GLIS3: variants seen among roughly 807,000 people sequenced by gnomAD.
GLIS3 encodes the protein zinc finger protein GLIS3.
GLIS3 carries 53 observed loss-of-function variants against 78.6 expected under a neutral mutation model. That is an observed-to-expected ratio of 0.67 (90% CI 0.54 to 0.85). The LOEUF is 0.85. Ranked by LOEUF, GLIS3 falls within the 40% of genes least tolerant of loss-of-function variation. The probability of loss-of-function intolerance (pLI) is 0.00; values close to 1 mark genes in which losing one functional copy is unlikely to be tolerated. For synonymous variants in GLIS3, 684 were observed against 509.9 expected (o/e 1.34, Z -4.60); for missense variants, 1,703 against 1,231.1 (o/e 1.38, Z -5.74).
intron 2 of GLIS3, among the ~76,000 whole-genome samples, chr9:4,268,527 T>C (rs1171853447): frequency 1.3e-5 from 2 of 152,162 alleles, no homozygotes; most frequent in Non-Finnish European, 2.9e-5. Context: ...AATTCAATAA[T>C]ATGGTTTAGT....
At chr9:4,092,436 T>C (rs948672119) in intron 4 of GLIS3, among the ~76,000 whole-genome samples, 8 of 152,220 alleles carry the variant, frequency 5.3e-5, no homozygotes, top group Non-Finnish European at 1.5e-5. Flanking sequence ...TTTGTTTGAT[T>C]CTTCTGTAAA....
chr9:3,845,060 G>C (rs1029906468), intron 9 of GLIS3, among the ~76,000 whole-genome samples: 2 of 121,274 alleles, frequency 1.6e-5, no homozygotes, highest in African/African-American at 5.7e-5. Context: ...ACTGTGCAAA[G>C]ATATATATAT....
At position 4,240,986 on chromosome 9, in the gene GLIS3, T is replaced by A. The variant is rs1385230990; in HGVS notation, c.388+45052A>T. Among the ~76,000 whole-genome samples, 11 of 152,148 alleles carry A rather than the reference T, an allele frequency of 7.2e-5. No individual in the cohort carries two copies. The East Asian group carries it at 2.1e-3, about 29-fold the overall frequency. ...GTGTGTGTGTGTACGTGTGTACATA[T>A]TTTAAACTAATTTTCTATTGAAATG... On this transcript the variant is annotated intron_variant, in intron 2 of 10. Coordinates refer to ENST00000381971, the MANE Select transcript of GLIS3 (RefSeq NM_001042413.2).
At chr9:4,381,596 T>A in the GLIS3 span, among the ~76,000 whole-genome samples, 1 of 152,112 alleles carries the variant, frequency 6.6e-6, no homozygotes, top group African/African-American at 2.4e-5. Context: ...AATATCTGCA[T>A]GCATGAACCT....
intron 4 of GLIS3, among the ~76,000 whole-genome samples, chr9:4,116,625 A>C (rs1366796397): frequency 6.6e-6 from 1 of 152,222 alleles, no homozygotes; most frequent in Non-Finnish European, 1.5e-5. Context: ...AACCTTGGCC[A>C]ATCTATAATC....
At chr9:3,846,631 A>C (rs1364582568) in intron 9 of GLIS3, among the ~76,000 whole-genome samples, 1 of 152,102 alleles carries the variant, frequency 6.6e-6, no homozygotes, top group Admixed American at 6.5e-5. Flanking sequence ...CCAAACTGAA[A>C]ATGTTTTCTT....
intron 4 of GLIS3, among the ~76,000 whole-genome samples, chr9:4,101,140 G>A (rs1830341259): frequency 6.6e-6 from 1 of 152,198 alleles, no homozygotes; most frequent in East Asian, 1.9e-4. Context: ...ACTTACTGGT[G>A]TATGACCTTA....
At chr9:3,919,056 G>C (rs1378340547) in intron 6 of GLIS3, among the ~76,000 whole-genome samples, 1 of 152,198 alleles carries the variant, frequency 6.6e-6, no homozygotes, top group African/African-American at 2.4e-5. Context: ...GTGGGTCTCA[G>C]TGTAGGATCA....
chr9:4,097,285 T>C (rs779650430), intron 4 of GLIS3, among the ~76,000 whole-genome samples: 5 of 151,530 alleles, frequency 3.3e-5, no homozygotes, highest in Non-Finnish European at 7.4e-5. Context: ...GGATTCAAAG[T>C]AAAAAAAAGT....
intron 2 of GLIS3, among the ~76,000 whole-genome samples, chr9:4,250,672 C>G (rs1312006289): frequency 6.6e-6 from 1 of 152,104 alleles, no homozygotes; most frequent in African/African-American, 2.4e-5. Flanking sequence ...TTTGTTTGCT[C>G]TTGCTTCTCT....
Position 3,935,700 on chromosome 9 carries a change from A to T in GLIS3, c.1872+1328T>A, listed in dbSNP as rs550806636. Reference sequence around the variant, plus strand: ...AAGACCATTTTAGGCACAACAAAATAGGGCATTTTAACACAATTTATTCTT... The same window carrying T: ...AAGACCATTTTAGGCACAACAAAATTGGGCATTTTAACACAATTTATTCTT... On this transcript the variant is annotated intron_variant, in intron 5 of 10. Transcript: ENST00000381971. 1.7e-4 allele frequency among the ~76,000 whole-genome samples: 26 copies of T among 152,332 alleles called. 1 individual carries two copies. The East Asian group carries it at 4.8e-3, about 28-fold the overall frequency.
At chr9:4,403,693 T>C in the GLIS3 span, among the ~76,000 whole-genome samples, 199 of 152,116 alleles carry the variant, frequency 1.3e-3, no homozygotes, top group Non-Finnish European at 2.5e-3. Context: ...GCAAGACTCA[T>C]GGTAACCTCA....
intron 1 of GLIS3, among the ~76,000 whole-genome samples, chr9:4,291,744 G>A (rs891898398): frequency 2.0e-5 from 3 of 152,090 alleles, no homozygotes; most frequent in African/African-American, 7.2e-5. Context: ...CAGATTGCTG[G>A]AGCAAATTCA....
Position 4,250,168 on chromosome 9 carries a change from T to C in GLIS3, c.388+35870A>G, listed in dbSNP as rs548081862. On this transcript the variant is annotated intron_variant, in intron 2 of 10. Transcript: ENST00000381971. Reference sequence around the variant, plus strand: ...TAGGGAGGATTCCCTCTTTTTCTATTGTTTGGAATAGTTTCAGAAGGAATG... The same window carrying C: ...TAGGGAGGATTCCCTCTTTTTCTATCGTTTGGAATAGTTTCAGAAGGAATG... Among the ~76,000 whole-genome samples the C allele has an allele frequency of 2.0e-4, 30 of 152,338 alleles. 1 individual carries two copies. The South Asian group carries it at 6.0e-3, about 30-fold the overall frequency.
At chr9:4,027,592 C>A (rs1563962520) in intron 4 of GLIS3, among the ~76,000 whole-genome samples, 1 of 152,100 alleles carries the variant, frequency 6.6e-6, no homozygotes, top group Non-Finnish European at 1.5e-5. Context: ...CTGGAACATG[C>A]TATATTTTGT....
At chr9:4,441,699 C>T in the GLIS3 span, among the ~76,000 whole-genome samples, 39 of 152,202 alleles carry the variant, frequency 2.6e-4, no homozygotes, top group Non-Finnish European at 3.8e-4. Context: ...CTCTGCCTCT[C>T]GGGTTCAAGC....
intron 2 of GLIS3, among the ~76,000 whole-genome samples, chr9:4,170,605 G>A (rs1347375470): frequency 1.3e-5 from 2 of 152,162 alleles, no homozygotes; most frequent in Non-Finnish European, 2.9e-5. Context: ...CATGTGTTCA[G>A]TCAACAAACA....
chr9:4,473,569 T>G, the GLIS3 span, among the ~76,000 whole-genome samples: 1 of 151,644 alleles, frequency 6.6e-6, no homozygotes, highest in Admixed American at 6.6e-5. Context: ...ATGTTCTCAC[T>G]TACAAGTGGG....
intron 2 of GLIS3, among the ~76,000 whole-genome samples, chr9:4,332,898 G>A (rs1365993379): frequency 1.3e-5 from 2 of 152,076 alleles, no homozygotes; most frequent in African/African-American, 2.4e-5. Flanking sequence ...TGGTATTATT[G>A]TTCTTTGTTT....
Sources: allele counts gnomAD v4.1 joint callset (sites outside exome capture counted in the v4.1 genomes callset), GRCh38; gene constraint gnomAD v4.1.1; transcripts MANE v1.5; gene names NCBI Gene and HGNC (gene_info 2026-07-23, HGNC 2026-07-21).